The following BTNL2 variants were observed in gnomAD, a reference collection of about 807,000 sequenced individuals.
The protein encoded by BTNL2 is butyrophilin-like protein 2.
A neutral mutation model predicts 46.8 loss-of-function variants in BTNL2; 46 were observed. The observed-to-expected ratio is 0.98, with a 90% CI of 0.78 to 1.26. BTNL2 has a LOEUF of 1.26. Ranked by LOEUF, BTNL2 falls within the 50% of genes most tolerant of loss-of-function variation. BTNL2 has a pLI of 0.00. For missense variants in BTNL2, 461 were observed against 592.6 expected (o/e 0.78, Z 2.31); for synonymous variants, 226 against 229.1 (o/e 0.99, Z 0.12).
rs1194056127 is a variant in BTNL2, at chr6:32,403,307, G to A, written c.428-91C>T. On this transcript the variant is annotated intron_variant, in intron 2 of 7. Coordinates refer to ENST00000454136, the MANE Select transcript of BTNL2 (RefSeq NM_001304561.2). ...TCCCAGTGACGTTGCTCACAGGGAG[G>A]TGGCCGGAGTTCAGGAGTCTGAGGA... is the stretch of plus-strand genomic sequence containing the variant. 4.2e-6 allele frequency: 6 copies of A among 1,418,798 alleles called. No individual in the cohort carries two copies. In the East Asian group the frequency reaches 1.0e-4, roughly 24 times the overall value. 87.9% of individuals were successfully genotyped at this position (1,418,798 alleles called of 1,614,324 possible).
At chr6:32,402,075 A>G (rs779181248) in intron 3 of BTNL2, among the ~76,000 whole-genome samples, 3 of 151,478 alleles carry the variant, frequency 2.0e-5, no homozygotes, top group African/African-American at 7.3e-5. Flanking sequence ...ATACTTAGCT[A>G]TCAGCATGAA....
chr6:32,401,716 A>G, intron 4 of BTNL2, 69 bp downstream of exon 4: 1 of 1,448,980 alleles, frequency 6.9e-7, no homozygotes, highest in South Asian at 1.3e-5. Context: ...GTCTCGTGGT[A>G]GCTCCCCTCC....
chr6:32,397,481 G>C (rs117338712), intron 4 of BTNL2, among the ~76,000 whole-genome samples: 1,860 of 152,310 alleles, frequency 0.012, 68 homozygotes, highest in East Asian at 0.11. Flanking sequence ...CTGAGGGATG[G>C]CTTGTTTATG....
chr6:32,403,186 T>C lies in BTNL2; in HGVS notation c.458A>G (p.Glu153Gly). Residue 153 changes from glutamate to glycine, a missense_variant, in exon 3 of 8, where the codon GAG (glutamate) becomes GGG (glycine). Physicochemically the swap from Glu to Gly is moderately conservative, Grantham distance 98. Transcript: ENST00000454136. ...CTGGACTCCACTCTCCCCAGGTCCC[T>C]CCATGTGGATGCTAGGGGCAGACCC... The part of the protein sequence containing the change: ...GLGSAPSIHM[E>G]GPGESGVQLV... The C allele has an allele frequency of 1.9e-6, 3 of 1,608,538 alleles. No individual in the cohort carries two copies. Among genetic ancestry groups the C allele is most frequent in the Non-Finnish European group, 2.5e-6 (3 of 1,178,750 alleles).
Position 32,394,951 on chromosome 6 carries a change from C to A in BTNL2, c.1153G>T (p.Gly385Trp). The change falls in exon 6 of 8, where the codon GGG (glycine) becomes TGG (tryptophan). Residue 385 changes from glycine to tryptophan, a missense_variant. Physicochemically the swap from Gly to Trp is radical, Grantham distance 184 (BLOSUM62 -2). Coordinates refer to ENST00000454136, the MANE Select transcript of BTNL2 (RefSeq NM_001304561.2). This position sits in a 1 kb window ranked among gnomAD's most constrained non-coding sequence, Gnocchi z 4.6. Reference sequence around the variant, plus strand: ...GGCACGTGGGGCTGTGGGAACCACCCATCTGAAGAGCACATCGGCTGCATT... The same window carrying A: ...GGCACGTGGGGCTGTGGGAACCACCAATCTGAAGAGCACATCGGCTGCATT... ...GEMQPMCSSD[G>W]WFPQPHVPWR... The A allele has an allele frequency of 6.2e-7, 1 of 1,614,108 alleles. No homozygotes were observed. The highest frequency in any genetic ancestry group is 8.5e-7 in the Non-Finnish European group (1 of 1,179,970).
intron 2 of BTNL2, chr6:32,403,551 A>G (rs1387305533): frequency 3.6e-6 from 1 of 277,844 alleles, no homozygotes; most frequent in East Asian, 7.9e-5. Context: ...TGTGCCATGA[A>G]CTCTGCCTTT....
intron 4 of BTNL2, among the ~76,000 whole-genome samples, chr6:32,400,099 T>A (rs1022835120): frequency 1.3e-5 from 2 of 152,346 alleles, no homozygotes; most frequent in African/African-American, 4.8e-5. Context: ...GACAGACTTG[T>A]GTCAACCTGC....
rs766387664 is a variant in BTNL2 at position 32,402,976 on chromosome 6, G to T, written c.668C>A (p.Pro223His). ...AESVSCLVHNPVLTEEKGSVI... is the reference protein window; with the variant it reads ...AESVSCLVHNHVLTEEKGSVI... ...CGACCCCTTCTCCTCAGTGAGGACG[G>T]GGTTGTGGACCAAGCAGGACACAGA... The change falls in exon 3 of 8, where the codon CCC becomes CAC. Residue 223 changes from proline to histidine, a missense_variant. Coordinates refer to ENST00000454136, the MANE Select transcript of BTNL2 (RefSeq NM_001304561.2). The T allele has an allele frequency of 3.7e-6, 6 of 1,613,044 alleles. No homozygotes were observed. Among genetic ancestry groups the T allele is most frequent in the Non-Finnish European group, 5.1e-6 (6 of 1,180,016 alleles).
At position 32,394,695 on chromosome 6, in the gene BTNL2, G is replaced by A. The variant is rs1204718313; in HGVS notation, c.1360+49C>T. The A allele has an allele frequency of 1.3e-6, 2 of 1,557,114 alleles. No homozygotes were observed. The highest frequency in any genetic ancestry group is 1.8e-6 in the Non-Finnish European group (2 of 1,142,432). Reference sequence around the variant, plus strand: ...CAATACAATGAGTAAGTCTGAGTTGGTCTTCATATTTATTTTCCAAACCTG... The same window carrying A: ...CAATACAATGAGTAAGTCTGAGTTGATCTTCATATTTATTTTCCAAACCTG... On this transcript the variant is annotated intron_variant, in intron 6 of 7. Transcript: ENST00000454136. This position sits in a 1 kb window ranked among gnomAD's most constrained non-coding sequence, Gnocchi z 4.6.
intron 4 of BTNL2, 40 bp downstream of exon 4, chr6:32,401,745 A>G: frequency 6.3e-7 from 1 of 1,585,466 alleles, no homozygotes; most frequent in Non-Finnish European, 8.6e-7. Flanking sequence ...GGGAGGGCAG[A>G]GGCTCCCTCC....
At chr6:32,405,380 T>C (rs1233099447) in intron 1 of BTNL2, 94 bp from the exon 2 acceptor site, 1 of 1,097,258 alleles carries the variant, frequency 9.1e-7, no homozygotes, top group Non-Finnish European at 1.4e-6. Flanking sequence ...TGGAGGCAAC[T>C]AGAAGAGGGA....
chr6:32,397,900 T>A (rs2150311893), intron 4 of BTNL2, among the ~76,000 whole-genome samples: 1 of 152,366 alleles, frequency 6.6e-6, no homozygotes, highest in South Asian at 2.1e-4. Context: ...CTATATTTTA[T>A]TTCCCCAATG....
At chr6:32,405,410 T>C (rs1777073947) in intron 1 of BTNL2, 124 bp from the exon 2 acceptor site, 1 of 921,720 alleles carries the variant, frequency 1.1e-6, no homozygotes, top group South Asian at 1.4e-5. Flanking sequence ...GTTTAATGTT[T>C]TAGAGAAATC....
intron 1 of BTNL2, chr6:32,406,327 C>T (rs1444916289): frequency 1.3e-5 from 2 of 151,638 alleles, no homozygotes; most frequent in African/African-American, 4.9e-5. Flanking sequence ...AAGCCAGCAG[C>T]TTCATCACAT....
chr6:32,401,679 G>T, intron 4 of BTNL2, 106 bp downstream of exon 4: 2 of 1,036,350 alleles, frequency 1.9e-6, no homozygotes, highest in Non-Finnish European at 2.8e-6. Context: ...GTAAAATCGT[G>T]CCTCAGTTTT....
At position 32,407,057 on chromosome 6, in the gene BTNL2, TTGTCAGCAG is replaced by T; in HGVS notation, c.58_66del (p.Leu20_Thr22del). ...AAGGGAATCCTACCTGACTGCTTCATTGTCAGCAGGATGAATAGGAAGGAGGCGACTGCA... is the reference window on the plus strand; with the variant it reads ...AAGGGAATCCTACCTGACTGCTTCATGATGAATAGGAAGGAGGCGACTGCA... On this transcript the variant is annotated inframe_deletion, in exon 1 of 8. Coordinates refer to ENST00000454136, the MANE Select transcript of BTNL2 (RefSeq NM_001304561.2). 6.2e-7 allele frequency: 1 copy of T among 1,612,856 alleles called. No homozygotes were observed. The highest frequency in any genetic ancestry group is 8.5e-7 in the Non-Finnish European group (1 of 1,179,900).
Position 32,402,630 on chromosome 6 carries a change from A to T in BTNL2, c.709+305T>A, listed in dbSNP as rs542106094. On this transcript the variant is annotated intron_variant, in intron 3 of 7. Coordinates refer to ENST00000454136, the MANE Select transcript of BTNL2 (RefSeq NM_001304561.2). ...CTAGAAGTAATCAGCACAAGACAGC[A>T]TAGGAAAACATTTCAGTTGAAGAAA... Among the ~76,000 whole-genome samples, 4 of 152,354 alleles carry T rather than the reference A, an allele frequency of 2.6e-5. No homozygotes were observed. In the East Asian group the frequency reaches 7.7e-4, roughly 29 times the overall value.
intron 3 of BTNL2, among the ~76,000 whole-genome samples, chr6:32,402,184 T>A (rs1776827077): frequency 6.6e-6 from 1 of 152,228 alleles, no homozygotes; most frequent in African/African-American, 2.4e-5. Context: ...GAATTATATG[T>A]AATATACAAT....
In BTNL2 at chr6:32,407,030, A is replaced by T; in HGVS notation, c.79+15T>A. On this transcript the variant is annotated intron_variant, in intron 1 of 7. Transcript: ENST00000454136. ...GGACATTAGACTATACAGTAAAGGGAGAAGGGAATCCTACCTGACTGCTTC... is the reference window on the plus strand; with the variant it reads ...GGACATTAGACTATACAGTAAAGGGTGAAGGGAATCCTACCTGACTGCTTC... 1 of 1,610,642 alleles carries T rather than the reference A, an allele frequency of 6.2e-7. No homozygotes were observed. The highest frequency in any genetic ancestry group is 8.5e-7 in the Non-Finnish European group (1 of 1,178,064).
Sources: gnomAD v4.1 joint callset for allele counts (sites outside exome capture counted in the v4.1 genomes callset) on GRCh38, gnomAD v4.1.1 for gene constraint, Gnocchi (gnomAD v3.1) non-coding constraint, MANE v1.5 for transcripts, NCBI Gene and HGNC (gene_info 2026-07-23, HGNC 2026-07-21) for gene names.